The following ENTPD7 variants were observed in gnomAD, a reference collection of about 807,000 sequenced individuals.
ENTPD7 encodes the protein NTPDase 7.
Under a neutral mutation model 77.9 loss-of-function variants are expected in ENTPD7, and 53 were observed. The observed-to-expected ratio is 0.68, with a 90% CI of 0.55 to 0.85. The LOEUF is 0.85. Among genes scored for constraint, ENTPD7 ranks in the 40% least tolerant of loss-of-function variants. The pLI, the probability that ENTPD7 is intolerant of heterozygous loss-of-function variation, is 0.00. For synonymous variants in ENTPD7, 248 were observed against 274.9 expected, an observed-to-expected ratio of 0.90 and a Z score of 0.97; for missense variants, 636 against 743.7, an observed-to-expected ratio of 0.86 and a Z score of 1.68.
At chr10:99,660,068 C>T (rs1348749026) in intron 2 of ENTPD7, 104 bp downstream of exon 2, 32 of 1,545,096 alleles carry the variant, frequency 2.1e-5, no homozygotes, top group Non-Finnish European at 2.8e-5. Context: ...CCTGGAGCTG[C>T]ACTTGGACTT....
chr10:99,685,948 A>G, intron 6 of ENTPD7, 53 bp downstream of exon 6: 1 of 1,182,310 alleles, frequency 8.5e-7, no homozygotes. Context: ...ACCATGGCAC[A>G]GCCTCTCTAA....
At chr10:99,701,794 T>C (rs1275937344) in intron 11 of ENTPD7, among the ~76,000 whole-genome samples, 8 of 151,862 alleles carry the variant, frequency 5.3e-5, no homozygotes, top group Non-Finnish European at 8.8e-5. Flanking sequence ...ACACCTGTAA[T>C]CCTAGTGCTT....
chr10:99,702,265 GCT>G (rs2036151412), intron 11 of ENTPD7, among the ~76,000 whole-genome samples: 1 of 151,996 alleles, frequency 6.6e-6, no homozygotes, highest in Non-Finnish European at 1.5e-5. Flanking sequence ...ATTTTAATAT[GCT>G]CTCTGAAGAT....
chr10:99,679,132 A>G (rs749674536), intron 3 of ENTPD7, 129 bp from the exon 4 acceptor site: 8 of 788,006 alleles, frequency 1.0e-5, no homozygotes, highest in Non-Finnish European at 1.2e-5. Flanking sequence ...CTCATTGGTT[A>G]GGACTGGTAG....
At position 99,708,059 on chromosome 10, in the gene ENTPD7, C is replaced by T. The variant is rs2036287377; in HGVS notation, c.*3376C>T. On this transcript the variant is annotated 3_prime_UTR_variant, in exon 13 of 13. Transcript: ENST00000370489. ...TTAATCCATGCCCTCCTCTCTCCCT[C>T]CCTGCTCTAGTAGTCCACAGTGTCT... Among the ~76,000 whole-genome samples, 1 of 152,150 alleles carries T rather than the reference C, an allele frequency of 6.6e-6. No individual in the cohort carries two copies. Among genetic ancestry groups the T allele is most frequent in the African/African-American group, 2.4e-5 (1 of 41,438 alleles).
chr10:99,665,871 ACT>A (rs1204782217), intron 3 of ENTPD7, among the ~76,000 whole-genome samples: 1 of 152,146 alleles, frequency 6.6e-6, no homozygotes, highest in Admixed American at 6.5e-5. Flanking sequence ...AAGAGGAAAC[ACT>A]GTTTGGATGA....
chr10:99,702,478 C>G (rs1564637260), intron 11 of ENTPD7, 34 bp from the exon 12 acceptor site: 5 of 1,501,418 alleles, frequency 3.3e-6, no homozygotes, highest in South Asian at 1.3e-5. Context: ...ATTCTTTTCT[C>G]TTTTTTTAAA....
At chr10:99,688,116 T>C (rs898617666) in intron 6 of ENTPD7, among the ~76,000 whole-genome samples, 11 of 152,212 alleles carry the variant, frequency 7.2e-5, no homozygotes, top group African/African-American at 2.7e-4. Context: ...GCATTCCTTT[T>C]TCTGTTCTTT....
At chr10:99,679,950 C>G (rs752703531) in intron 5 of ENTPD7, 75 bp downstream of exon 5, 10 of 1,510,566 alleles carry the variant, frequency 6.6e-6, no homozygotes, top group African/African-American at 1.4e-5. Flanking sequence ...GCACTGTCCT[C>G]TGTGGTTCCC....
chr10:99,704,397 C>T (rs1411888405), intron 12 of ENTPD7, 55 bp from the exon 13 acceptor site: 1 of 1,558,144 alleles, frequency 6.4e-7, no homozygotes, highest in East Asian at 2.2e-5. Flanking sequence ...CAGTAAATGT[C>T]TCCCTTTGAA....
rs932280404 is a variant in ENTPD7, at chr10:99,707,700, T to C, written c.*3017T>C. Among the ~76,000 whole-genome samples, 1 of 152,238 alleles carries C rather than the reference T, an allele frequency of 6.6e-6. No homozygotes were observed. The highest frequency in any genetic ancestry group is 1.5e-5 in the Non-Finnish European group (1 of 68,048). On this transcript the variant is annotated 3_prime_UTR_variant, in exon 13 of 13. Coordinates refer to ENST00000370489, the MANE Select transcript of ENTPD7 (RefSeq NM_020354.5). ...AACATCAAAATAGGAGTCCGTGGCT[T>C]GTAGTGATGCTTTTTAGTCTTGTGA...
At chr10:99,696,473 TG>T (rs2133494654) in intron 9 of ENTPD7, among the ~76,000 whole-genome samples, 1 of 152,378 alleles carries the variant, frequency 6.6e-6, no homozygotes, top group African/African-American at 2.4e-5. Flanking sequence ...TGCATGGAAG[TG>T]TTCAAGACAT....
intron 4 of ENTPD7, 43 bp from the exon 5 acceptor site, chr10:99,679,682 C>G: frequency 6.3e-7 from 1 of 1,581,342 alleles, no homozygotes; most frequent in South Asian, 1.2e-5. Flanking sequence ...ATGTGAGCCG[C>G]TTTTTAAAGA....
intron 8 of ENTPD7, among the ~76,000 whole-genome samples, chr10:99,693,678 G>A (rs111315468): frequency 8.5e-5 from 13 of 152,340 alleles, no homozygotes; most frequent in African/African-American, 3.1e-4. Flanking sequence ...AGCACTTTGG[G>A]AAGCCAAGGC....
At chr10:99,693,930 A>T (rs1216094476) in intron 8 of ENTPD7, among the ~76,000 whole-genome samples, 1 of 152,112 alleles carries the variant, frequency 6.6e-6, no homozygotes, top group Non-Finnish European at 1.5e-5. Context: ...AAAAAAAAAA[A>T]ATAGTAACTA....
intron 11 of ENTPD7, among the ~76,000 whole-genome samples, chr10:99,701,298 T>C (rs2036118652): frequency 6.6e-6 from 1 of 152,026 alleles, no homozygotes; most frequent in Non-Finnish European, 1.5e-5. Context: ...TGATTTTTTT[T>C]TTTTTTTGAG....
intron 3 of ENTPD7, among the ~76,000 whole-genome samples, chr10:99,670,531 A>G (rs548092002): frequency 6.6e-6 from 1 of 152,330 alleles, no homozygotes; most frequent in African/African-American, 2.4e-5. Context: ...TAAACATCAT[A>G]GAATACTTAC....
rs951647688 is a variant in ENTPD7 at position 99,708,259 on chromosome 10, T to A, written c.*3576T>A. On this transcript the variant is annotated 3_prime_UTR_variant, in exon 13 of 13. Transcript: ENST00000370489. ...CATGCACTTGCTAAGCTAGTGTTTT[T>A]AGGCATTAACATTTATTATCACATC... Among the ~76,000 whole-genome samples, 1 of 152,256 alleles carries A rather than the reference T, an allele frequency of 6.6e-6. No individual in the cohort carries two copies. Among genetic ancestry groups the A allele is most frequent in the African/African-American group, 2.4e-5 (1 of 41,476 alleles).
At chr10:99,692,976 T>C (rs1432778313) in intron 8 of ENTPD7, among the ~76,000 whole-genome samples, 1 of 151,942 alleles carries the variant, frequency 6.6e-6, no homozygotes, top group Admixed American at 6.6e-5. Context: ...TGAGAAGTAA[T>C]AAAGGGCTGA....
Sources: gnomAD v4.1 joint callset for allele counts (sites outside exome capture counted in the v4.1 genomes callset) on GRCh38, gnomAD v4.1.1 for gene constraint, MANE v1.5 for transcripts, NCBI Gene and HGNC (gene_info 2026-07-23, HGNC 2026-07-21) for gene names.